The following SYT7 variants were observed in gnomAD, a reference collection of about 807,000 sequenced individuals.
SYT7 encodes synaptotagmin 7.
A neutral mutation model predicts 75.1 loss-of-function variants in SYT7; 29 were observed. That is an observed-to-expected ratio of 0.39 (90% CI 0.29 to 0.53). The LOEUF is 0.53. SYT7 is among the 20% of genes least tolerant of loss of function. The pLI, the probability that SYT7 is intolerant of heterozygous loss-of-function variation, is 0.77. For missense variants in SYT7, 693 were observed against 953.2 expected (o/e 0.73, Z 3.59); for synonymous variants, 376 against 401.7 (o/e 0.94, Z 0.76).
At chr11:61,536,810 G>A (rs2062883035) in intron 7 of SYT7, among the ~76,000 whole-genome samples, 1 of 152,152 alleles carries the variant, frequency 6.6e-6, no homozygotes, top group Non-Finnish European at 1.5e-5. Flanking sequence ...ATCCTCCCTA[G>A]CCCACAAGCC....
At position 61,546,852 on chromosome 11, in the gene SYT7, C is replaced by G. The variant is rs1022352651; in HGVS notation, c.347+325G>C. The stretch of plus-strand genomic sequence containing the variant: ...CACAACCGAGGGGGCGGGACCCAAA[C>G]GGGCAACCCCATCCTGACTGCACAG... On this transcript the variant is annotated intron_variant, in intron 4 of 12. Coordinates refer to ENST00000539008, the MANE Select transcript of SYT7 (RefSeq NM_001365809.2). This position sits in a 1 kb window ranked among gnomAD's most constrained non-coding sequence, Gnocchi z 7.6. 2.0e-5 allele frequency among the ~76,000 whole-genome samples: 3 copies of G among 152,060 alleles called. No individual in the cohort carries two copies. The highest frequency in any genetic ancestry group is 7.2e-5 in the African/African-American group (3 of 41,470).
At chr11:61,575,401 C>A (rs757557305) in intron 1 of SYT7, among the ~76,000 whole-genome samples, 26 of 152,208 alleles carry the variant, frequency 1.7e-4, no homozygotes, top group Non-Finnish European at 3.2e-4. Context: ...CCTGGGGAAG[C>A]AGTGCATACA....
In SYT7 at chr11:61,524,384, C is replaced by T. The variant is rs1484306926; in HGVS notation, c.1620G>A (p.Leu540=). 1 of 1,614,124 alleles carries T rather than the reference C, an allele frequency of 6.2e-7. No individual in the cohort carries two copies. The highest frequency in any genetic ancestry group is 1.7e-5 in the Admixed American group (1 of 60,016). ...LTQMQTFWKD[L]KPCSDGSGSR... ...TTACACTCCCATCGCTGCATGGCTT[C>T]AGATCCTTCCAGAAGGTCTGCATCT... The change falls in exon 10 of 13, where the codon CTG becomes CTA. Residue 540 remains leucine (L), a synonymous_variant. Transcript: ENST00000539008. The surrounding 1 kb of genome is among the most constrained non-coding windows in gnomAD (Gnocchi z 4.1).
In SYT7 at chr11:61,551,859, G is replaced by A. The variant is rs2063362372; in HGVS notation, c.136-396C>T. ...CACGTCACCGCCCCCAGATGGTGGGGGTGGCATCCTGCAGGGCAAGGTTGG... is the reference window on the plus strand; with the variant it reads ...CACGTCACCGCCCCCAGATGGTGGGAGTGGCATCCTGCAGGGCAAGGTTGG... On this transcript the variant is annotated intron_variant, in intron 2 of 12. Coordinates refer to ENST00000539008, the MANE Select transcript of SYT7 (RefSeq NM_001365809.2). This position sits in a 1 kb window ranked among gnomAD's most constrained non-coding sequence, Gnocchi z 5.3. 6.6e-6 allele frequency among the ~76,000 whole-genome samples: 1 copy of A among 152,158 alleles called. No individual in the cohort carries two copies. The highest frequency in any genetic ancestry group is 1.5e-5 in the Non-Finnish European group (1 of 68,022).
At chr11:61,521,076 G>A (rs752891449) in intron 12 of SYT7, among the ~76,000 whole-genome samples, 2 of 152,212 alleles carry the variant, frequency 1.3e-5, no homozygotes, top group African/African-American at 2.4e-5. Context: ...AGGTCACGGA[G>A]CTCTAGGGCC....
chr11:61,565,639 T>A (rs1241813377), intron 1 of SYT7, among the ~76,000 whole-genome samples: 1 of 152,218 alleles, frequency 6.6e-6, no homozygotes, highest in African/African-American at 2.4e-5. Context: ...AGCACCTATT[T>A]CCCAGAAAAG....
At position 61,546,453 on chromosome 11, in the gene SYT7, T is replaced by A; in HGVS notation, c.348-198A>T. On this transcript the variant is annotated intron_variant, in intron 4 of 12. Coordinates refer to ENST00000539008, the MANE Select transcript of SYT7 (RefSeq NM_001365809.2). This position sits in a 1 kb window ranked among gnomAD's most constrained non-coding sequence, Gnocchi z 7.6. ...ACAGACAGAGAGAGAGAGAGAGACA[T>A]CAGCACTGCAAATGGGTTAACAGCG... 3 of 428,552 alleles carry A rather than the reference T, an allele frequency of 7.0e-6. No homozygotes were observed. The highest frequency in any genetic ancestry group is 5.3e-5 in the East Asian group (1 of 18,998). The allele number at this position is 428,552 out of a possible 1,614,324, so 26.5% of individuals were successfully genotyped here.
At chr11:61,582,072 G>A (rs1002803245), upstream of SYT7, among the ~76,000 whole-genome samples, 10 of 150,748 alleles carry the variant, frequency 6.6e-5, no homozygotes, top group South Asian at 2.1e-4. Context: ...ACCTACACAC[G>A]TAATCACCTA....
intron 12 of SYT7, 67 bp from the exon 13 acceptor site, chr11:61,518,798 G>A (rs1196633828): frequency 8.4e-7 from 1 of 1,190,336 alleles, no homozygotes; most frequent in Non-Finnish European, 1.2e-6. Context: ...CCCCCACAGG[G>A]GTGACACCCC....
chr11:61,533,750 T>C, intron 7 of SYT7: 1 of 845,978 alleles, frequency 1.2e-6, no homozygotes, highest in Non-Finnish European at 1.4e-6. Context: ...ACGTGTGCAC[T>C]TGAGCATTTG....
Position 61,542,650 on chromosome 11 carries a change from C to T in SYT7, c.573-71G>A, listed in dbSNP as rs113038217. 53,505 of 1,423,954 alleles carry T rather than the reference C, an allele frequency of 0.038. 1,215 individuals are homozygous for T. The highest frequency in any genetic ancestry group is 0.042 in the Non-Finnish European group (46,403 of 1,093,168). The allele number at this position is 1,423,954 out of a possible 1,614,324, so 88.2% of individuals were successfully genotyped here. ...GGATCACAGTGGAAGAGAAAGAAGC[C>T]GAGGGCCAGGACTAGGAGGCCCCAG... On this transcript the variant is annotated intron_variant, in intron 5 of 12. Transcript: ENST00000539008. This position sits in a 1 kb window ranked among gnomAD's most constrained non-coding sequence, Gnocchi z 7.8.
chr11:61,542,096 G>T lies in SYT7; in HGVS notation c.941+115C>A. 7.2e-7 allele frequency: 1 copy of T among 1,382,448 alleles called. No homozygotes were observed. The highest frequency in any genetic ancestry group is 1.5e-5 in the South Asian group (1 of 67,662). 85.6% of individuals were successfully genotyped at this position (1,382,448 alleles called of 1,614,324 possible). A position where few individuals can be genotyped will look rare whatever the true frequency, so the allele number is the denominator to read the frequency against. ...GGCTGCCAAGTCTGCTTGGCACCCT[G>T]CCAAGGGGATGGAGGGCCGGGAGGT... On this transcript the variant is annotated intron_variant, in intron 6 of 12. Transcript: ENST00000539008. This position sits in a 1 kb window ranked among gnomAD's most constrained non-coding sequence, Gnocchi z 7.8.
At chr11:61,531,994 C>T (rs1045097903) in intron 8 of SYT7, among the ~76,000 whole-genome samples, 3 of 151,628 alleles carry the variant, frequency 2.0e-5, no homozygotes, top group African/African-American at 4.9e-5. Context: ...TTCCTGTGCA[C>T]GTAGCAATTT....
rs1261797398 is a variant in SYT7 at position 61,514,403 on chromosome 11, A to G, written c.*4224T>C. Among the ~76,000 whole-genome samples the G allele has an allele frequency of 6.6e-6, 1 of 152,222 alleles. No homozygotes were observed. The highest frequency in any genetic ancestry group is 1.5e-5 in the Non-Finnish European group (1 of 68,034). On this transcript the variant is annotated 3_prime_UTR_variant, in exon 13 of 13. Coordinates refer to ENST00000539008, the MANE Select transcript of SYT7 (RefSeq NM_001365809.2). ...GGTACTTAGTGCAGCTCCGGGAGGC[A>G]GCTGCTGGCCCCAAGTGCTGGGAGC...
chr11:61,568,128 CG>C (rs2063825320), intron 1 of SYT7, among the ~76,000 whole-genome samples: 2 of 152,160 alleles, frequency 1.3e-5, no homozygotes, highest in Non-Finnish European at 2.9e-5. Flanking sequence ...TGCCCATACC[CG>C]CCCCAGGAAA....
intron 6 of SYT7, chr11:61,541,117 T>A: frequency 1.0e-6 from 1 of 985,496 alleles, no homozygotes; most frequent in Non-Finnish European, 1.2e-6. Context: ...AAGCCCTGGC[T>A]GAGGTCTCAG....
chr11:61,548,775 A>T (rs569260989), intron 3 of SYT7, among the ~76,000 whole-genome samples: 5 of 152,332 alleles, frequency 3.3e-5, no homozygotes, highest in Admixed American at 3.3e-4. Context: ...CTCAGGCACA[A>T]AAGTGAGAAA....
intron 1 of SYT7, among the ~76,000 whole-genome samples, chr11:61,556,985 T>G (rs949512096): frequency 1.4e-5 from 2 of 146,806 alleles, no homozygotes; most frequent in African/African-American, 5.4e-5. Flanking sequence ...TTGGCACCCT[T>G]GGCAAAGATG....
chr11:61,520,198 G>T (rs1311009709), intron 12 of SYT7, among the ~76,000 whole-genome samples: 1 of 151,878 alleles, frequency 6.6e-6, no homozygotes, highest in Non-Finnish European at 1.5e-5. Context: ...CCAATAAACA[G>T]TGTATTTTTT....
Sources: gnomAD v4.1 joint callset for allele counts (sites outside exome capture counted in the v4.1 genomes callset) on GRCh38, gnomAD v4.1.1 for gene constraint, Gnocchi (gnomAD v3.1) non-coding constraint, MANE v1.5 for transcripts, NCBI Gene and HGNC (gene_info 2026-07-23, HGNC 2026-07-21) for gene names.